Variants in ZNF616 observed in about 807,000 individuals in gnomAD.
ZNF616 encodes the protein zinc finger protein 616.
In ZNF616, 5 loss-of-function variants were observed where a neutral mutation model predicts 7.6. That is an observed-to-expected ratio of 0.66 (90% CI 0.34 to 1.38). ZNF616 has a LOEUF of 1.38. Among genes scored for constraint, ZNF616 ranks in the 40% most tolerant of loss-of-function variants. The pLI, the probability that ZNF616 is intolerant of heterozygous loss-of-function variation, is 0.04. For missense variants in ZNF616, 913 were observed against 948.3 expected (o/e 0.96, Z 0.49); for synonymous variants, 319 against 317.2 (o/e 1.01, Z -0.06).
intron 1 of ZNF616, among the ~76,000 whole-genome samples, 155 bp from the exon 2 acceptor site, chr19:52,130,743 T>C (rs985847989): frequency 1.4e-4 from 21 of 152,194 alleles, no homozygotes; most frequent in Non-Finnish European, 2.6e-4. Context: ...AAAGACCAAG[T>C]GAATCTTTCA....
rs1347400736 is a variant in ZNF616, at chr19:52,114,047, T to C, written c.*771A>G. 6.6e-6 allele frequency: 1 copy of C among 152,206 alleles called. No individual in the cohort carries two copies. Among genetic ancestry groups the C allele is most frequent in the Non-Finnish European group, 1.5e-5 (1 of 68,050 alleles). The allele number at this position is 152,206 out of a possible 1,614,324, so 9.4% of individuals were successfully genotyped here. A position where few individuals can be genotyped will look rare whatever the true frequency, so the allele number is the denominator to read the frequency against. On this transcript the variant is annotated 3_prime_UTR_variant, in exon 4 of 4. Transcript: ENST00000600228. ...TATTCTGATGCCTAGTGAGTTCCAA[T>C]GCCTGGGGAAAGCCTCTGACACATA... is the stretch of plus-strand genomic sequence containing the variant.
At chr19:52,134,686 T>C (rs2088992582) in intron 1 of ZNF616, among the ~76,000 whole-genome samples, 1 of 152,208 alleles carries the variant, frequency 6.6e-6, no homozygotes, top group Non-Finnish European at 1.5e-5. Flanking sequence ...TCCCCAACAC[T>C]GGCCACAGAA....
At chr19:52,120,093 GA>G (rs2088854564) in intron 3 of ZNF616, among the ~76,000 whole-genome samples, 1 of 152,124 alleles carries the variant, frequency 6.6e-6, no homozygotes, top group African/African-American at 2.4e-5. Flanking sequence ...ATATTAATCT[GA>G]AAAAACTAAG....
chr19:52,129,142 G>T (rs895570351), intron 2 of ZNF616, among the ~76,000 whole-genome samples: 2 of 152,162 alleles, frequency 1.3e-5, no homozygotes, highest in African/African-American at 4.8e-5. Context: ...GCCAGGCGTG[G>T]TGGTGCACGC....
At position 52,114,509 on chromosome 19, in the gene ZNF616, A is replaced by G. The variant is rs922337273; in HGVS notation, c.*309T>C. On this transcript the variant is annotated 3_prime_UTR_variant, in exon 4 of 4. Coordinates refer to ENST00000600228, the MANE Select transcript of ZNF616 (RefSeq NM_178523.5). ...GGGAAGCCTCAGGAAGGTTAAAATCATGGTGGAAGGCAAAGCGGGTGTCGG... is the reference window on the plus strand; with the variant it reads ...GGGAAGCCTCAGGAAGGTTAAAATCGTGGTGGAAGGCAAAGCGGGTGTCGG... 8.1e-6 allele frequency: 2 copies of G among 245,578 alleles called. No homozygotes were observed. Among genetic ancestry groups the G allele is most frequent in the African/African-American group, 4.5e-5 (2 of 44,586 alleles). 15.2% of individuals were successfully genotyped at this position (245,578 alleles called of 1,614,324 possible). A position where few individuals can be genotyped will look rare whatever the true frequency, so the allele number is the denominator to read the frequency against.
chr19:52,123,672 G>A (rs1243977310), intron 3 of ZNF616, among the ~76,000 whole-genome samples: 1 of 152,050 alleles, frequency 6.6e-6, no homozygotes. Context: ...CAGGGAATTG[G>A]ATATTTTAAC....
chr19:52,115,178 T>C lies in ZNF616; in HGVS notation c.1986A>G (p.Lys662=). The change falls in exon 4 of 4, where the codon AAA becomes AAG. Residue 662 remains lysine, a synonymous_variant. Transcript: ENST00000600228. ...TAAAGGTTTTGCCACACTCATTACA[T>C]TTGTAAGGTCTGTCTCCAGTATGAA... is the stretch of plus-strand genomic sequence containing the variant. ...QTVHTGDRPY[K]CNECGKTFKR... is the part of the protein sequence containing the mutation. 6.2e-7 allele frequency: 1 copy of C among 1,614,174 alleles called. No homozygotes were observed. Among genetic ancestry groups the C allele is most frequent in the South Asian group, 1.1e-5 (1 of 91,082 alleles).
intron 2 of ZNF616, among the ~76,000 whole-genome samples, chr19:52,126,826 C>A (rs910651366): frequency 2.0e-5 from 3 of 151,804 alleles, no homozygotes; most frequent in Admixed American, 1.3e-4. Context: ...GTCTAATGGG[C>A]CCATGAAAAA....
At position 52,115,238 on chromosome 19, in the gene ZNF616, A is replaced by ATTTGT. The variant is rs762556796; in HGVS notation, c.1925_1926insACAAA (p.Phe642LeufsTer42). ...GAAGTCTAAGATGGACACGCTGACT[A>ATTTGT]AAGGAATTCCCACACTGATTGCATT... is the stretch of plus-strand genomic sequence containing the variant. On this transcript the variant is annotated frameshift_variant, in exon 4 of 4. Transcript: ENST00000600228. LOFTEE classifies it low-confidence loss of function (END_TRUNC). 8 of 1,614,096 alleles carry ATTTGT rather than the reference A, an allele frequency of 5.0e-6. No individual in the cohort carries two copies. Among genetic ancestry groups the ATTTGT allele is most frequent in the Non-Finnish European group, 6.8e-6 (8 of 1,180,036 alleles).
rs145034989 is a variant in ZNF616 at position 52,120,066 on chromosome 19, G to A, written c.140-3042C>T. ...AGACTTGGGATGCAGAAGAAGACAC[G>A]CTGGCAAAATGGGCAAATATTAATC... On this transcript the variant is annotated intron_variant, in intron 3 of 3. Transcript: ENST00000600228. Among the ~76,000 whole-genome samples, 6 of 152,238 alleles carry A rather than the reference G, an allele frequency of 3.9e-5. No homozygotes were observed. The South Asian group carries it at 6.2e-4, about 16-fold the overall frequency.
At chr19:52,138,677 T>G (rs2089033797) in intron 1 of ZNF616, 1 of 152,508 alleles carries the variant, frequency 6.6e-6, no homozygotes, top group African/African-American at 2.4e-5. Flanking sequence ...TATTCCTGCC[T>G]CTTTTCCCCC....
chr19:52,135,444 G>C (rs10408415), intron 1 of ZNF616, among the ~76,000 whole-genome samples: 2 of 152,144 alleles, frequency 1.3e-5, no homozygotes, highest in African/African-American at 4.8e-5. Context: ...TTGACATTTA[G>C]ATAGTCCAAA....
rs1300847487 is a variant in ZNF616, at chr19:52,116,793, T to A, written c.371A>T (p.Asp124Val). 4 of 1,614,146 alleles carry A rather than the reference T, an allele frequency of 2.5e-6. No homozygotes were observed. Among genetic ancestry groups the A allele is most frequent in the Non-Finnish European group, 3.4e-6 (4 of 1,180,016 alleles). Residue 124 changes from aspartate (D) to valine (V), a missense_variant, in exon 4 of 4, where the codon GAT becomes GTT. Coordinates refer to ENST00000600228, the MANE Select transcript of ZNF616 (RefSeq NM_178523.5). ...PHENNLTGKR[D>V]QHSQGDVENN... ...TTCTACATCCCCTTGACTATGTTGA[T>A]CTCTTTTACCAGTAAGATTGTTTTC...
intron 3 of ZNF616, among the ~76,000 whole-genome samples, chr19:52,120,129 T>A (rs2088854826): frequency 6.6e-6 from 1 of 152,188 alleles, no homozygotes; most frequent in Admixed American, 6.5e-5. Flanking sequence ...TTGTCAAGGT[T>A]TAAATACACG....
Position 52,123,828 on chromosome 19 carries a change from T to A in ZNF616, c.139+95A>T, listed in dbSNP as rs2088882526. 2.0e-6 allele frequency: 3 copies of A among 1,499,122 alleles called. No homozygotes were observed. The African/African-American group carries it at 4.2e-5, about 21-fold the overall frequency. 92.9% of individuals were successfully genotyped at this position (1,499,122 alleles called of 1,614,324 possible). On this transcript the variant is annotated intron_variant, in intron 3 of 3. Coordinates refer to ENST00000600228, the MANE Select transcript of ZNF616 (RefSeq NM_178523.5). ...TATTTTTGAACCAATAAGGCTTCAG[T>A]CTCAAATAACGGAGGGGTTCCCAAG...
intron 3 of ZNF616, among the ~76,000 whole-genome samples, chr19:52,121,429 T>C (rs531532616): frequency 6.9e-4 from 105 of 152,264 alleles, no homozygotes; most frequent in African/African-American, 2.3e-3. Flanking sequence ...AGCCAATATG[T>C]CAAATTGGAA....
chr19:52,127,166 T>C (rs929540656), intron 2 of ZNF616, among the ~76,000 whole-genome samples: 1 of 152,160 alleles, frequency 6.6e-6, no homozygotes, highest in African/African-American at 2.4e-5. Flanking sequence ...GGGATTCTCC[T>C]GCCTCGGCCT....
intron 3 of ZNF616, among the ~76,000 whole-genome samples, chr19:52,121,240 C>T (rs912038685): frequency 2.6e-5 from 4 of 152,004 alleles, no homozygotes; most frequent in Non-Finnish European, 5.9e-5. Context: ...TTTTTAGTAG[C>T]GACGCGGTTT....
chr19:52,121,306 G>A (rs2122150181), intron 3 of ZNF616, among the ~76,000 whole-genome samples: 1 of 152,192 alleles, frequency 6.6e-6, no homozygotes, highest in South Asian at 2.1e-4. Context: ...ACATTTTAAA[G>A]ACTGAAATCA....
Sources: allele counts gnomAD v4.1 joint callset (sites outside exome capture counted in the v4.1 genomes callset), GRCh38; gene constraint gnomAD v4.1.1; transcripts MANE v1.5; gene names NCBI Gene and HGNC (gene_info 2026-07-23, HGNC 2026-07-21).